The following RAD51B variants were observed in gnomAD, a reference collection of about 807,000 sequenced individuals.
RAD51B encodes RAD51 paralog B.
Under a neutral mutation model 42.2 loss-of-function variants are expected in RAD51B, and 38 were observed. The observed-to-expected ratio is 0.90, with a 90% CI of 0.70 to 1.18. The LOEUF is 1.18. RAD51B is among the 50% of genes most tolerant of loss of function. The probability of loss-of-function intolerance (pLI) is 0.00; values close to 1 mark genes in which losing one functional copy is unlikely to be tolerated. For missense variants in RAD51B, 373 were observed against 400.7 expected (o/e 0.93, Z 0.59); for synonymous variants, 154 against 145.2 (o/e 1.06, Z -0.43).
chr14:68,357,091 G>A (rs1047237154), intron 8 of RAD51B, among the ~76,000 whole-genome samples: 4 of 151,956 alleles, frequency 2.6e-5, no homozygotes, highest in South Asian at 2.1e-4. Flanking sequence ...TTTTATCCAC[G>A]GTAGAACTTC....
At chr14:68,111,676 C>T (rs1228559927) in intron 7 of RAD51B, among the ~76,000 whole-genome samples, 2 of 152,014 alleles carry the variant, frequency 1.3e-5, no homozygotes, top group Non-Finnish European at 2.9e-5. Context: ...CTTCCTTTGT[C>T]CAGTACCTCT....
chr14:68,291,268 G>C (rs113461690), intron 7 of RAD51B, among the ~76,000 whole-genome samples: 1 of 151,456 alleles, frequency 6.6e-6, no homozygotes, highest in Non-Finnish European at 1.5e-5. Context: ...GTGCAATCTC[G>C]GCTCACCACA....
downstream of RAD51B, among the ~76,000 whole-genome samples, chr14:68,482,176 G>GGTGTGTGTGTGTGTGTGT (rs66768673): frequency 2.0e-4 from 30 of 149,910 alleles, no homozygotes; most frequent in South Asian, 8.5e-4. Context: ...ATATTTTAGG[G>GGTGTGTGTGTGTGTGTGT]GTGTGTGTGT....
rs142335760 is a variant in RAD51B at position 68,343,765 on chromosome 14, G to C, written c.853+51785G>C. ...GAGGAAATAATGGTTTCAGGGACCA[G>C]GCCTGGGCCATTGCCCTGCTCAGGC... On this transcript the variant is annotated intron_variant, in intron 8 of 10. Coordinates refer to ENST00000471583, the MANE Select transcript of RAD51B (RefSeq NM_133510.4). Among the ~76,000 whole-genome samples the C allele has an allele frequency of 3.3e-5, 5 of 152,384 alleles. No homozygotes were observed. The East Asian group carries it at 9.6e-4, about 29-fold the overall frequency.
chr14:68,404,630 A>G (rs983026964), intron 8 of RAD51B, among the ~76,000 whole-genome samples: 1 of 152,162 alleles, frequency 6.6e-6, no homozygotes, highest in African/African-American at 2.4e-5. Flanking sequence ...TTGAGGCCCT[A>G]TTAAGTAAAC....
At chr14:68,288,179 C>G (rs1390999844) in intron 7 of RAD51B, among the ~76,000 whole-genome samples, 1 of 152,186 alleles carries the variant, frequency 6.6e-6, no homozygotes, top group Non-Finnish European at 1.5e-5. Context: ...GTATAGTTTT[C>G]AAGTCTCTTG....
chr14:68,129,618 G>A (rs2077843643), intron 7 of RAD51B, among the ~76,000 whole-genome samples: 1 of 152,120 alleles, frequency 6.6e-6, no homozygotes, highest in South Asian at 2.1e-4. Context: ...AGACTTGACT[G>A]CAAAACTAAA....
At chr14:68,558,031 T>C (rs1301271312) in intron 10 of RAD51B, among the ~76,000 whole-genome samples, 1 of 152,188 alleles carries the variant, frequency 6.6e-6, no homozygotes, top group Non-Finnish European at 1.5e-5. Context: ...TCTGGAGGCA[T>C]ATTGACCATA....
intron 7 of RAD51B, among the ~76,000 whole-genome samples, chr14:68,169,297 T>C (rs2078818885): frequency 6.6e-6 from 1 of 152,116 alleles, no homozygotes; most frequent in Admixed American, 6.6e-5. Flanking sequence ...CTGGTTATAT[T>C]CTCCTCATAC....
At chr14:67,836,924 T>G (rs2041263340) in intron 4 of RAD51B, among the ~76,000 whole-genome samples, 2 of 152,192 alleles carry the variant, frequency 1.3e-5, no homozygotes, top group African/African-American at 4.8e-5. Flanking sequence ...CATAAATACT[T>G]TCAGGAAACT....
rs886843025 is a variant in RAD51B at position 68,015,999 on chromosome 14, A to C, written c.756+128795A>C. Among the ~76,000 whole-genome samples, 3 of 152,110 alleles carry C rather than the reference A, an allele frequency of 2.0e-5. No homozygotes were observed. In the East Asian group the frequency reaches 5.8e-4, roughly 29 times the overall value. ...TCTATCTTTCTTTTGGCAGCTGTTG[A>C]TAGTAATCATTTTGTATCTTGTTAA... On this transcript the variant is annotated intron_variant, in intron 7 of 10. Coordinates refer to ENST00000471583, the MANE Select transcript of RAD51B (RefSeq NM_133510.4).
intron 7 of RAD51B, among the ~76,000 whole-genome samples, chr14:68,177,045 A>G (rs1050011240): frequency 6.6e-6 from 1 of 152,196 alleles, no homozygotes; most frequent in Non-Finnish European, 1.5e-5. Context: ...CCTTTTCTCT[A>G]GAGTGTAACT....
intron 7 of RAD51B, among the ~76,000 whole-genome samples, chr14:68,228,491 T>A (rs1055463202): frequency 1.3e-5 from 2 of 152,190 alleles, no homozygotes; most frequent in Non-Finnish European, 2.9e-5. Flanking sequence ...TAACACAGTG[T>A]GAAAATTTGC....
intron 7 of RAD51B, among the ~76,000 whole-genome samples, chr14:68,008,583 A>T (rs904890658): frequency 6.6e-6 from 1 of 152,054 alleles, no homozygotes; most frequent in African/African-American, 2.4e-5. Flanking sequence ...TAGGGAAAGA[A>T]GTAAAATAAT....
intron 10 of RAD51B, among the ~76,000 whole-genome samples, chr14:68,641,573 T>TAGGCCGG (rs1566962208): frequency 7.5e-5 from 11 of 146,122 alleles, no homozygotes; most frequent in African/African-American, 1.5e-4. Flanking sequence ...AGATGTTAGC[T>TAGGCCGG]GTAGATTTTT....
chr14:68,070,374 A>G (rs2076721923), intron 7 of RAD51B, among the ~76,000 whole-genome samples: 1 of 152,068 alleles, frequency 6.6e-6, no homozygotes, highest in South Asian at 2.1e-4. Context: ...CCAGAATGGT[A>G]TTTCCTAGAT....
chr14:68,114,950 C>A (rs969000266), intron 7 of RAD51B, among the ~76,000 whole-genome samples: 4 of 151,398 alleles, frequency 2.6e-5, no homozygotes, highest in Non-Finnish European at 5.9e-5. Flanking sequence ...GTTGGTGGGA[C>A]TGTAAACTAG....
intron 7 of RAD51B, among the ~76,000 whole-genome samples, chr14:67,938,517 C>T (rs1404463706): frequency 6.6e-6 from 1 of 152,186 alleles, no homozygotes; most frequent in East Asian, 1.9e-4. Context: ...AGGGCGTAGG[C>T]CTATCCTTTA....
chr14:67,864,731 T>C, intron 4 of RAD51B: 1 of 552,934 alleles, frequency 1.8e-6, no homozygotes, highest in Admixed American at 2.3e-5. Flanking sequence ...AAGTTTCTCA[T>C]CTGAACTACA....
Sources: allele counts gnomAD v4.1 joint callset (sites outside exome capture counted in the v4.1 genomes callset), GRCh38; gene constraint gnomAD v4.1.1; transcripts MANE v1.5; gene names NCBI Gene and HGNC (gene_info 2026-07-23, HGNC 2026-07-21).